Variants in ACSM3 observed in about 807,000 individuals in gnomAD.
The protein encoded by ACSM3 is acyl-coenzyme A synthetase ACSM3, mitochondrial.
In ACSM3, 61 loss-of-function variants were observed where a neutral mutation model predicts 74.1. The ratio of observed to expected loss-of-function variants is 0.82; its 90% CI spans 0.67 to 1.02. The LOEUF is 1.02. ACSM3 is among the 50% of genes least tolerant of loss of function. ACSM3 has a pLI of 0.00. For missense variants in ACSM3, 660 were observed against 697.0 expected (o/e 0.95, Z 0.60); for synonymous variants, 213 against 241.5 (o/e 0.88, Z 1.09).
At chr16:20,758,471 G>A (rs1179153726) in intron 3 of ACSM3, among the ~76,000 whole-genome samples, 15 of 151,770 alleles carry the variant, frequency 9.9e-5, no homozygotes, top group Non-Finnish European at 1.9e-4. Flanking sequence ...CTGTGGGATC[G>A]GTGGTGATAT....
chr16:20,730,990 G>C (rs182886084), intron 1 of ACSM3, among the ~76,000 whole-genome samples: 1 of 152,098 alleles, frequency 6.6e-6, no homozygotes, highest in Non-Finnish European at 1.5e-5. Context: ...CTCCTGAGTC[G>C]CTAGGACTAC....
At chr16:20,768,309 A>G (rs1030901863) in intron 1 of ACSM3, among the ~76,000 whole-genome samples, 4 of 152,236 alleles carry the variant, frequency 2.6e-5, no homozygotes, top group Non-Finnish European at 5.9e-5. Flanking sequence ...ACATGACCAT[A>G]TGACTCAGTA....
chr16:20,789,788 C>T (rs1022615491), intron 9 of ACSM3, among the ~76,000 whole-genome samples: 3 of 150,646 alleles, frequency 2.0e-5, no homozygotes, highest in African/African-American at 7.3e-5. Flanking sequence ...AATTCTCCTG[C>T]TCAACCTCCC....
At chr16:20,731,448 A>T (rs1256778603) in intron 1 of ACSM3, 1 of 187,052 alleles carries the variant, frequency 5.3e-6, no homozygotes, top group East Asian at 1.6e-4. Flanking sequence ...ACCTGGAATT[A>T]TTCTCAAAAC....
intron 1 of ACSM3, among the ~76,000 whole-genome samples, chr16:20,694,666 A>G (rs2079680127): frequency 6.6e-6 from 1 of 152,182 alleles, no homozygotes; most frequent in African/African-American, 2.4e-5. Flanking sequence ...CAAAAGGGAG[A>G]GATATAGTGA....
intron 10 of ACSM3, chr16:20,791,014 A>C (rs2080585442): frequency 1.4e-6 from 2 of 1,447,772 alleles, no homozygotes; most frequent in South Asian, 2.4e-5. Context: ...AAATCCAGTT[A>C]GTGCTCTTTC....
intron 1 of ACSM3, among the ~76,000 whole-genome samples, chr16:20,744,161 T>A (rs1162475409): frequency 6.6e-6 from 1 of 152,202 alleles, no homozygotes; most frequent in Non-Finnish European, 1.5e-5. Flanking sequence ...CATCTGCTAT[T>A]GTTAGCATTA....
rs1052371487 is a variant in ACSM3, at chr16:20,775,650, G to A, written c.220-189G>A. The stretch of plus-strand genomic sequence containing the variant: ...ACTGTCTTGGTACTTCTGGTAGGAG[G>A]TGAGTACTGGGCATCTCTAGTCATC... On this transcript the variant is annotated intron_variant, in intron 2 of 13. Coordinates refer to ENST00000289416, the MANE Select transcript of ACSM3 (RefSeq NM_005622.4). 5.9e-5 allele frequency among the ~76,000 whole-genome samples: 9 copies of A among 152,272 alleles called. No individual in the cohort carries two copies. The South Asian group carries it at 1.9e-3, about 32-fold the overall frequency.
chr16:20,718,045 A>AACTGG (rs2079772033), intron 1 of ACSM3, among the ~76,000 whole-genome samples: 1 of 151,902 alleles, frequency 6.6e-6, no homozygotes, highest in Non-Finnish European at 1.5e-5. Context: ...GAAGAAGAAG[A>AACTGG]ACTGGACTGT....
intron 1 of ACSM3, among the ~76,000 whole-genome samples, chr16:20,712,095 T>C (rs2079745756): frequency 6.6e-6 from 1 of 152,148 alleles, no homozygotes; most frequent in Non-Finnish European, 1.5e-5. Context: ...GAACTTCTCC[T>C]TGACCACATT....
intron 1 of ACSM3, among the ~76,000 whole-genome samples, chr16:20,702,027 G>A (rs1596481301): frequency 6.6e-6 from 1 of 152,132 alleles, no homozygotes; most frequent in African/African-American, 2.4e-5. Context: ...CTTTATAGTA[G>A]AATGATTTCT....
intron 1 of ACSM3, among the ~76,000 whole-genome samples, chr16:20,744,168 A>G (rs2079948485): frequency 6.6e-6 from 1 of 152,230 alleles, no homozygotes; most frequent in African/African-American, 2.4e-5. Context: ...TATTGTTAGC[A>G]TTAGTATATT....
chr16:20,748,612 C>T (rs10852247), intron 1 of ACSM3, among the ~76,000 whole-genome samples: 2 of 152,040 alleles, frequency 1.3e-5, no homozygotes, highest in African/African-American at 2.4e-5. Context: ...CTAACTGGAA[C>T]GTTTGGTAGA....
intron 1 of ACSM3, among the ~76,000 whole-genome samples, chr16:20,693,093 C>G (rs1324116371): frequency 4.0e-5 from 6 of 151,636 alleles, no homozygotes; most frequent in African/African-American, 1.2e-4. Flanking sequence ...TCACTTGAAC[C>G]TGGGAGTCGG....
chr16:20,727,269 A>G (rs2079809844), intron 1 of ACSM3: 2 of 503,216 alleles, frequency 4.0e-6, no homozygotes, highest in Non-Finnish European at 7.7e-6. Flanking sequence ...TTGCTGCTTG[A>G]ATGTCCTAAT....
intron 1 of ACSM3, among the ~76,000 whole-genome samples, chr16:20,731,089 C>G (rs146633732): frequency 6.6e-6 from 1 of 152,286 alleles, no homozygotes; most frequent in East Asian, 1.9e-4. Context: ...TGGTTTCAAA[C>G]TCCTGAGCTT....
At position 20,775,221 on chromosome 16, in the gene ACSM3, G is replaced by A. The variant is rs114721796; in HGVS notation, c.220-618G>A. Among the ~76,000 whole-genome samples the A allele has an allele frequency of 4.6e-3, 695 of 152,286 alleles. 6 individuals are homozygous for A. The highest frequency in any genetic ancestry group is 0.016 in the African/African-American group (644 of 41,546). On this transcript the variant is annotated intron_variant, in intron 2 of 13. Coordinates refer to ENST00000289416, the MANE Select transcript of ACSM3 (RefSeq NM_005622.4). ...TGGCCCCAGGGCAAGATGTAGTATG[G>A]TAGTAGCTCTGTTCCTAAAATGATG...
intron 9 of ACSM3, among the ~76,000 whole-genome samples, chr16:20,786,759 C>T (rs918163163): frequency 1.3e-5 from 2 of 152,182 alleles, no homozygotes; most frequent in African/African-American, 4.8e-5. Flanking sequence ...AACCATTTTA[C>T]AAACAAGGCA....
In ACSM3 at chr16:20,775,796, G is replaced by A. The variant is rs749001110; in HGVS notation, c.220-43G>A. On this transcript the variant is annotated intron_variant, in intron 2 of 13. Transcript: ENST00000289416. Reference sequence around the variant, plus strand: ...GAGTCAGTTGGCCCAGAATTTAGCTGTATAACAACCTTTAAATCAATGACT... The same window carrying A: ...GAGTCAGTTGGCCCAGAATTTAGCTATATAACAACCTTTAAATCAATGACT... 9.4e-6 allele frequency: 15 copies of A among 1,599,962 alleles called. No individual in the cohort carries two copies. In the South Asian group the frequency reaches 1.4e-4, roughly 15 times the overall value.
Sources: gnomAD v4.1 joint callset for allele counts (sites outside exome capture counted in the v4.1 genomes callset) on GRCh38, gnomAD v4.1.1 for gene constraint, MANE v1.5 for transcripts, NCBI Gene and HGNC (gene_info 2026-07-23, HGNC 2026-07-21) for gene names.